The following APBB2 variants were observed in gnomAD, a reference collection of about 807,000 sequenced individuals.
APBB2 encodes the protein amyloid beta precursor protein binding family B member 2, also known as Fe65-like 1.
In APBB2, 38 loss-of-function variants were observed where a neutral mutation model predicts 82.5. The observed-to-expected ratio is 0.46, with a 90% CI of 0.36 to 0.60. APBB2 has a LOEUF of 0.60. Among genes scored for constraint, APBB2 ranks in the 20% least tolerant of loss-of-function variants. The pLI is 0.00. For missense variants in APBB2, 772 were observed against 972.3 expected, an observed-to-expected ratio of 0.79 and a Z score of 2.74; for synonymous variants, 341 against 368.2, an observed-to-expected ratio of 0.93 and a Z score of 0.85.
At chr4:41,160,043 C>T (rs1764738550) in intron 1 of APBB2, among the ~76,000 whole-genome samples, 1 of 135,856 alleles carries the variant, frequency 7.4e-6, no homozygotes, top group South Asian at 2.4e-4. Context: ...AAGAAAACAT[C>T]ACAGGATGCT....
At chr4:40,940,287 G>T (rs1432616717) in intron 7 of APBB2, among the ~76,000 whole-genome samples, 1 of 152,130 alleles carries the variant, frequency 6.6e-6, no homozygotes, top group African/African-American at 2.4e-5. Flanking sequence ...ATAAAAATAG[G>T]GAGGCTATAG....
intron 6 of APBB2, among the ~76,000 whole-genome samples, chr4:40,981,005 G>A (rs1390066899): frequency 6.6e-6 from 1 of 152,156 alleles, no homozygotes; most frequent in Non-Finnish European, 1.5e-5. Flanking sequence ...GAGACTCAGG[G>A]AATGCACATT....
In APBB2 at chr4:41,027,383, AT is replaced by A. The variant is rs1308467719; in HGVS notation, c.19+5852del. On this transcript the variant is annotated intron_variant, in intron 5 of 17. Transcript: ENST00000508593. The stretch of plus-strand genomic sequence containing the variant: ...TTGTTACATATATATATATATATAT[AT>A]ATATATATATATATATATATAACAT... Among the ~76,000 whole-genome samples, 6 of 55,986 alleles carry A rather than the reference AT, an allele frequency of 1.1e-4. No homozygotes were observed. The East Asian group carries it at 3.0e-3, about 28-fold the overall frequency. 36.7% of individuals were successfully genotyped at this position (55,986 alleles called of 152,430 possible).
intron 12 of APBB2, chr4:40,856,898 G>T (rs985746229): frequency 1.0e-6 from 1 of 957,288 alleles, no homozygotes; most frequent in Non-Finnish European, 1.2e-6. Context: ...AAGGGAGGGC[G>T]CAGCCTTTGT....
chr4:40,854,062 A>G (rs893180664), intron 12 of APBB2, among the ~76,000 whole-genome samples: 3 of 152,242 alleles, frequency 2.0e-5, no homozygotes, highest in Non-Finnish European at 4.4e-5. Flanking sequence ...CGAACAGCAT[A>G]TTAACCATTA....
chr4:40,908,068 CAT>C (rs1000402079), intron 10 of APBB2, among the ~76,000 whole-genome samples: 4 of 150,166 alleles, frequency 2.7e-5, no homozygotes, highest in Non-Finnish European at 5.9e-5. Context: ...GTGTGTGTGG[CAT>C]ATGTGTGTGT....
intron 4 of APBB2, among the ~76,000 whole-genome samples, chr4:41,048,395 T>C (rs778509208): frequency 6.6e-6 from 1 of 152,228 alleles, no homozygotes; most frequent in Non-Finnish European, 1.5e-5. Context: ...ACTGCTAATA[T>C]ATCAATCACA....
At position 40,811,198 on chromosome 4, in the gene APBB2, CTTT is replaced by C. The variant is rs1312672879; in HGVS notation, c.*4891_*4893del. ...TCATTAATTACACTGCAGTTTTCTT[CTTT>C]GAGAATCTTCTATGAAGGACAGGAT... On this transcript the variant is annotated 3_prime_UTR_variant, in exon 18 of 18. Coordinates refer to ENST00000508593, the MANE Select transcript of APBB2 (RefSeq NM_004307.2). 6 of 152,114 alleles carry C rather than the reference CTTT, an allele frequency of 3.9e-5. No homozygotes were observed. The highest frequency in any genetic ancestry group is 7.2e-5 in the African/African-American group (3 of 41,418). 9.4% of individuals were successfully genotyped at this position (152,114 alleles called of 1,614,324 possible). A position where few individuals can be genotyped will look rare whatever the true frequency, so the allele number is the denominator to read the frequency against.
rs546050357 is a variant in APBB2, at chr4:40,829,092, G to A, written c.1644+1371C>T. Among the ~76,000 whole-genome samples the A allele has an allele frequency of 3.3e-5, 5 of 152,340 alleles. No homozygotes were observed. The South Asian group carries it at 1.0e-3, about 32-fold the overall frequency. On this transcript the variant is annotated intron_variant, in intron 13 of 17. Transcript: ENST00000508593. ...AAGAAATTAACCAAGTCTGGGGCATGGAAAGGGCTGGCTAAAAGAAGCTTG... is the reference window on the plus strand; with the variant it reads ...AAGAAATTAACCAAGTCTGGGGCATAGAAAGGGCTGGCTAAAAGAAGCTTG...
chr4:41,149,827 C>G (rs549946642), intron 1 of APBB2, among the ~76,000 whole-genome samples: 2 of 151,854 alleles, frequency 1.3e-5, no homozygotes, highest in Middle Eastern at 3.2e-3. Context: ...GTAAGTCTCA[C>G]GAGATCTGAT....
chr4:40,947,609 A>T (rs1788808652), intron 6 of APBB2, among the ~76,000 whole-genome samples: 1 of 152,240 alleles, frequency 6.6e-6, no homozygotes, highest in South Asian at 2.1e-4. Context: ...ATTTTGTTGA[A>T]ATAAAAAGAG....
At position 40,822,326 on chromosome 4, in the gene APBB2, T is replaced by C. The variant is rs139439535; in HGVS notation, c.1933-276A>G. The C allele has an allele frequency of 9.5e-4, 356 of 376,464 alleles. 1 individual carries two copies. The highest frequency in any genetic ancestry group is 1.5e-3 in the Non-Finnish European group (301 of 205,060). The allele number at this position is 376,464 out of a possible 1,614,324, so 23.3% of individuals were successfully genotyped here. A position where few individuals can be genotyped will look rare whatever the true frequency, so the allele number is the denominator to read the frequency against. ...TTATGCTACGTGGCTGTGAGTTCAC[T>C]GTGGGGAGGGACAGTGCCGTCCATA... is the stretch of plus-strand genomic sequence containing the variant. On this transcript the variant is annotated intron_variant, in intron 16 of 17. Transcript: ENST00000508593.
chr4:40,844,153 G>A (rs1756808063), intron 12 of APBB2, among the ~76,000 whole-genome samples: 1 of 152,218 alleles, frequency 6.6e-6, no homozygotes, highest in Admixed American at 6.5e-5. Flanking sequence ...GGCAGACACA[G>A]CTGTGCTCAA....
rs190587138 is a variant in APBB2 at position 40,945,579 on chromosome 4, C to T, written c.836-506G>A. Among the ~76,000 whole-genome samples, 3 of 152,256 alleles carry T rather than the reference C, an allele frequency of 2.0e-5. No homozygotes were observed. The East Asian group carries it at 5.8e-4, about 29-fold the overall frequency. On this transcript the variant is annotated intron_variant, in intron 6 of 17. Transcript: ENST00000508593. ...CTCTCTCATTTGATTGGGACACCTACAAAATAGCAATAGTAGTAGTCTTTT... is the reference window on the plus strand; with the variant it reads ...CTCTCTCATTTGATTGGGACACCTATAAAATAGCAATAGTAGTAGTCTTTT...
At chr4:40,989,051 G>A (rs533459867) in intron 6 of APBB2, among the ~76,000 whole-genome samples, 18 of 152,178 alleles carry the variant, frequency 1.2e-4, no homozygotes, top group Admixed American at 3.3e-4. Context: ...GAGCCACTGC[G>A]CCTGGCCCCA....
At chr4:40,875,816 T>G (rs1766744531) in intron 12 of APBB2, among the ~76,000 whole-genome samples, 1 of 151,606 alleles carries the variant, frequency 6.6e-6, no homozygotes, top group African/African-American at 2.4e-5. Context: ...AAAAAAAAAA[T>G]AACCCCAAAG....
chr4:40,893,294 T>G lies in APBB2; in HGVS notation c.1372A>C (p.Ile458Leu), dbSNP rs1772606172. Reference sequence around the variant, plus strand: ...CCCCAAATCCCGACTGTGTCTCGGATGTCATTTTTGCAGTAGGAAAGTTGC... The same window carrying G: ...CCCCAAATCCCGACTGTGTCTCGGAGGTCATTTTTGCAGTAGGAAAGTTGC... ...IRQLSYCKND[I>L]RDTVGIWGEG... The change falls in exon 11 of 18, where the codon ATC (isoleucine) becomes CTC (leucine). Residue 458 changes from isoleucine to leucine, a missense_variant. By Grantham distance (5) the Ile-to-Leu change is conservative. Transcript: ENST00000508593. 1 of 1,613,812 alleles carries G rather than the reference T, an allele frequency of 6.2e-7. No homozygotes were observed.
At chr4:41,056,766 T>C (rs1727996406) in intron 4 of APBB2, among the ~76,000 whole-genome samples, 1 of 152,230 alleles carries the variant, frequency 6.6e-6, no homozygotes, top group South Asian at 2.1e-4. Context: ...CCCCGCTTAC[T>C]TGCTTAAACT....
intron 2 of APBB2, among the ~76,000 whole-genome samples, chr4:41,139,363 T>C (rs1580347997): frequency 6.6e-6 from 1 of 152,158 alleles, no homozygotes; most frequent in Non-Finnish European, 1.5e-5. Context: ...ATTTGTCAAC[T>C]TGATAAAGAA....
Sources: allele counts gnomAD v4.1 joint callset (sites outside exome capture counted in the v4.1 genomes callset), GRCh38; gene constraint gnomAD v4.1.1; transcripts MANE v1.5; gene names NCBI Gene and HGNC (gene_info 2026-07-23, HGNC 2026-07-21).